Variants in PALD1 observed in about 807,000 individuals in gnomAD.
The protein encoded by PALD1 is paladin.
In PALD1, 57 loss-of-function variants were observed where a neutral mutation model predicts 96.0. The ratio of observed to expected loss-of-function variants is 0.59; its 90% confidence interval spans 0.48 to 0.74. PALD1 has a LOEUF of 0.74. Ranked by LOEUF, PALD1 falls within the 30% of genes least tolerant of loss-of-function variation. PALD1 has a pLI of 0.00. For missense variants in PALD1, 1,063 were observed against 1,143.7 expected, an observed-to-expected ratio of 0.93 and a Z score of 1.02; for synonymous variants, 464 against 473.6, an observed-to-expected ratio of 0.98 and a Z score of 0.26.
intron 18 of PALD1, among the ~76,000 whole-genome samples, chr10:70,557,930 CTTTT>C (rs781513750): frequency 3.2e-5 from 3 of 92,884 alleles, no homozygotes; most frequent in East Asian, 5.2e-4. Flanking sequence ...TTGGCTCTTC[CTTTT>C]TTTTTTTTTT....
chr10:70,532,629 C>G lies in PALD1; in HGVS notation c.642C>G (p.Asp214Glu). The G allele has an allele frequency of 6.2e-7, 1 of 1,614,058 alleles. No individual in the cohort carries two copies. The highest frequency in any genetic ancestry group is 8.5e-7 in the Non-Finnish European group (1 of 1,179,936). ...LELAIRKEIH[D>E]FAQLSENTYH... ...CCCACACCTCCCTCTAGATCCACGACTTTGCCCAGCTGAGCGAGAACACAT... is the reference window on the plus strand; with the variant it reads ...CCCACACCTCCCTCTAGATCCACGAGTTTGCCCAGCTGAGCGAGAACACAT... Residue 214 changes from aspartate to glutamate, a missense_variant, in exon 6 of 20, where the codon GAC (aspartate) becomes GAG (glutamate). By Grantham distance (45) the Asp-to-Glu change is conservative. Coordinates refer to ENST00000263563, the MANE Select transcript of PALD1 (RefSeq NM_014431.3).
intron 1 of PALD1, among the ~76,000 whole-genome samples, chr10:70,487,057 G>C (rs1846025778): frequency 6.6e-6 from 1 of 152,104 alleles, no homozygotes; most frequent in South Asian, 2.1e-4. Context: ...CTGCTCCAGG[G>C]GGCTCTGAGC....
At chr10:70,497,389 G>A (rs555410472) in intron 1 of PALD1, among the ~76,000 whole-genome samples, 4 of 152,122 alleles carry the variant, frequency 2.6e-5, no homozygotes, top group African/African-American at 9.7e-5. Flanking sequence ...CCACAAGGCC[G>A]CCAACTCCCT....
intron 17 of PALD1, among the ~76,000 whole-genome samples, chr10:70,545,280 A>C (rs562741895): frequency 1.3e-5 from 2 of 152,222 alleles, no homozygotes; most frequent in East Asian, 3.9e-4. Context: ...GCTGAGTGTA[A>C]GAGAGCCATG....
At chr10:70,473,691 G>C in the PALD1 span, among the ~76,000 whole-genome samples, 2 of 151,860 alleles carry the variant, frequency 1.3e-5, no homozygotes, top group Non-Finnish European at 2.9e-5. Context: ...TGTCACCCAG[G>C]CTGGAGTGCA....
Position 70,515,955 on chromosome 10 carries a change from C to T in PALD1, c.-29-9968C>T, listed in dbSNP as rs116279567. 7.9e-3 allele frequency among the ~76,000 whole-genome samples: 1,200 copies of T among 152,294 alleles called. 15 individuals carry two copies. Among genetic ancestry groups the T allele is most frequent in the African/African-American group, 0.027 (1,127 of 41,558 alleles). On this transcript the variant is annotated intron_variant, in intron 1 of 19. Coordinates refer to ENST00000263563, the MANE Select transcript of PALD1 (RefSeq NM_014431.3). Reference sequence around the variant, plus strand: ...TGTTCAATGGGAATGAAAACACCAACTTTCTGGGGCTTTTGCATGCCTCTA... The same window carrying T: ...TGTTCAATGGGAATGAAAACACCAATTTTCTGGGGCTTTTGCATGCCTCTA...
At chr10:70,511,749 C>T (rs576720625) in intron 1 of PALD1, among the ~76,000 whole-genome samples, 16 of 152,280 alleles carry the variant, frequency 1.1e-4, no homozygotes, top group African/African-American at 3.4e-4. Flanking sequence ...GCATTGAGGG[C>T]GGGGCGTGGT....
chr10:70,533,060 G>T lies in PALD1; in HGVS notation c.860G>T (p.Ser287Ile). Reference sequence around the variant, plus strand: ...GAGGCCCAGTTGGACGCCTTTGTCAGTGTTCTCCGGGTAACTGGGGCACGG... The same window carrying T: ...GAGGCCCAGTTGGACGCCTTTGTCATTGTTCTCCGGGTAACTGGGGCACGG... ...PLEAQLDAFVSVLRETPSLLQ... is the reference protein window; with the variant it reads ...PLEAQLDAFVIVLRETPSLLQ... The change falls in exon 7 of 20, where the codon AGT becomes ATT. Residue 287 changes from serine (S) to isoleucine (I), a missense_variant. By Grantham distance (142) the Ser-to-Ile change is moderately radical (BLOSUM62 -2). Transcript: ENST00000263563. 1 of 1,580,268 alleles carries T rather than the reference G, an allele frequency of 6.3e-7. No individual in the cohort carries two copies. The highest frequency in any genetic ancestry group is 8.6e-7 in the Non-Finnish European group (1 of 1,162,356).
At chr10:70,557,351 C>A (rs1286755199) in intron 18 of PALD1, among the ~76,000 whole-genome samples, 1 of 152,074 alleles carries the variant, frequency 6.6e-6, no homozygotes, top group Non-Finnish European at 1.5e-5. Flanking sequence ...CATGCGGACA[C>A]AGTGGGCCTC....
intron 1 of PALD1, among the ~76,000 whole-genome samples, chr10:70,514,274 G>A (rs12778383): frequency 0.13 from 19,095 of 152,256 alleles, 1,313 homozygotes; most frequent in South Asian, 0.17. Context: ...GCTGAAGGCT[G>A]GAAGTCAGGG....
chr10:70,557,261 C>T (rs1847629647), intron 18 of PALD1, among the ~76,000 whole-genome samples: 1 of 152,122 alleles, frequency 6.6e-6, no homozygotes, highest in Non-Finnish European at 1.5e-5. Context: ...GTGGTGAGGA[C>T]CAGTCTGGGG....
chr10:70,534,959 C>T (rs1847079056), intron 10 of PALD1, 116 bp downstream of exon 10: 1 of 721,108 alleles, frequency 1.4e-6, no homozygotes, highest in East Asian at 2.7e-5. Flanking sequence ...GCTGCGTCTC[C>T]CATGAGAAGA....
chr10:70,564,660 G>T, intron 19 of PALD1, 141 bp downstream of exon 19: 1 of 775,332 alleles, frequency 1.3e-6, no homozygotes, highest in Non-Finnish European at 2.1e-6. Context: ...TTCTGCAGGA[G>T]GCTTCTGTTT....
intron 1 of PALD1, among the ~76,000 whole-genome samples, chr10:70,515,890 G>A (rs1846610748): frequency 6.6e-6 from 1 of 152,204 alleles, no homozygotes; most frequent in African/African-American, 2.4e-5. Flanking sequence ...GGGTCAGGAT[G>A]TGAAGAGTTG....
chr10:70,547,568 T>A, intron 18 of PALD1, 122 bp downstream of exon 18: 1 of 646,746 alleles, frequency 1.5e-6, no homozygotes, highest in Non-Finnish European at 2.6e-6. Flanking sequence ...CCTTGGCTCG[T>A]GGTCACTTTT....
chr10:70,480,531 G>A (rs894421782), intron 1 of PALD1, among the ~76,000 whole-genome samples: 5 of 152,208 alleles, frequency 3.3e-5, no homozygotes, highest in African/African-American at 1.2e-4. Flanking sequence ...TGAGGTGGGT[G>A]GTTCCTGGCA....
At chr10:70,551,354 G>A (rs770343595) in intron 18 of PALD1, among the ~76,000 whole-genome samples, 3 of 152,168 alleles carry the variant, frequency 2.0e-5, no homozygotes, top group East Asian at 3.9e-4. Context: ...GCTCAGAGCC[G>A]GGTGCTGTCC....
chr10:70,562,017 G>C (rs1270593961), intron 18 of PALD1, among the ~76,000 whole-genome samples: 1 of 152,238 alleles, frequency 6.6e-6, no homozygotes, highest in Admixed American at 6.5e-5. Flanking sequence ...TGATGGGCAC[G>C]GTGTAGTGGT....
At chr10:70,486,634 G>C (rs1846020417) in intron 1 of PALD1, among the ~76,000 whole-genome samples, 1 of 152,116 alleles carries the variant, frequency 6.6e-6, no homozygotes, top group Non-Finnish European at 1.5e-5. Flanking sequence ...GGTGGTGGGT[G>C]CCTGTAGTCC....
Sources: gnomAD v4.1 joint callset for allele counts (sites outside exome capture counted in the v4.1 genomes callset) on GRCh38, gnomAD v4.1.1 for gene constraint, MANE v1.5 for transcripts, NCBI Gene and HGNC (gene_info 2026-07-23, HGNC 2026-07-21) for gene names.